The following SHANK2 variants were observed in gnomAD, a reference collection of about 807,000 sequenced individuals.
SHANK2 encodes the protein SH3 and multiple ankyrin repeat domains protein 2.
Under a neutral mutation model 133.7 loss-of-function variants are expected in SHANK2, and 43 were observed. That is an observed-to-expected ratio of 0.32 (90% confidence interval 0.25 to 0.41). The LOEUF is 0.41. Among genes scored for constraint, SHANK2 ranks in the 10% least tolerant of loss-of-function variants. The pLI is 1.00. For synonymous variants in SHANK2, 1,017 were observed against 952.8 expected (o/e 1.07, Z -1.24); for missense variants, 1,994 against 2,235.8 (o/e 0.89, Z 2.18).
intron 11 of SHANK2, among the ~76,000 whole-genome samples, chr11:70,867,016 G>A (rs1949372007): frequency 6.6e-6 from 1 of 151,666 alleles, no homozygotes; most frequent in South Asian, 2.1e-4. Flanking sequence ...CATGAAGCCA[G>A]GAGCCAAACG....
At chr11:70,574,121 C>G (rs1342817706) in intron 17 of SHANK2, among the ~76,000 whole-genome samples, 1 of 152,246 alleles carries the variant, frequency 6.6e-6, no homozygotes, top group African/African-American at 2.4e-5. Context: ...TTCCTCTTGT[C>G]TATGACCACA....
chr11:70,541,107 T>C (rs1554975097), intron 17 of SHANK2, among the ~76,000 whole-genome samples: 2 of 152,190 alleles, frequency 1.3e-5, no homozygotes, highest in African/African-American at 4.8e-5. Context: ...ACTGGCTTAT[T>C]TCACTTGGCA....
intron 17 of SHANK2, among the ~76,000 whole-genome samples, chr11:70,636,794 GTGTGTGTGAACA>G (rs2061105747): frequency 6.6e-6 from 1 of 152,044 alleles, no homozygotes; most frequent in African/African-American, 2.4e-5. Flanking sequence ...ATGTGTGAGC[GTGTGTGTGAACA>G]TGTGTGTGGG....
chr11:70,605,733 G>A (rs1554992181), intron 17 of SHANK2, among the ~76,000 whole-genome samples: 1 of 152,180 alleles, frequency 6.6e-6, no homozygotes, highest in African/African-American at 2.4e-5. Flanking sequence ...TTGAGTTACA[G>A]ATGCAGATTT....
At chr11:70,822,334 AC>A (rs1200185419) in intron 11 of SHANK2, among the ~76,000 whole-genome samples, 1 of 152,228 alleles carries the variant, frequency 6.6e-6, no homozygotes, top group Non-Finnish European at 1.5e-5. Flanking sequence ...GTCTGGGGGA[AC>A]CTTCATGCCT....
chr11:70,599,907 G>GAAAGAAAAAGAAAGAAAGAGAAAGAAAT (rs2060462784), intron 17 of SHANK2, among the ~76,000 whole-genome samples: 5 of 12,612 alleles, frequency 4.0e-4, no homozygotes, highest in Non-Finnish European at 6.8e-4. Context: ...GAAAGAAAGA[G>GAAAGAAAAAGAAAGAAAGAGAAAGAAAT]AAAGAAAGAA....
At chr11:70,787,642 C>T (rs1158869252) in intron 14 of SHANK2, among the ~76,000 whole-genome samples, 6 of 151,846 alleles carry the variant, frequency 4.0e-5, no homozygotes, top group Admixed American at 6.6e-5. Context: ...TCACCATGAC[C>T]GCCACCAACA....
intron 11 of SHANK2, among the ~76,000 whole-genome samples, chr11:70,869,954 T>C (rs1391430187): frequency 6.6e-6 from 1 of 152,004 alleles, no homozygotes; most frequent in African/African-American, 2.4e-5. Flanking sequence ...CTCACAAAAG[T>C]CCACAAGAGT....
chr11:70,890,664 T>C (rs1949826260), intron 11 of SHANK2, among the ~76,000 whole-genome samples: 1 of 151,830 alleles, frequency 6.6e-6, no homozygotes, highest in Non-Finnish European at 1.5e-5. Context: ...CCGGGTATGG[T>C]AGCGCGTGCC....
At chr11:71,245,753 G>T (rs1420090074) in intron 1 of SHANK2, among the ~76,000 whole-genome samples, 1 of 152,228 alleles carries the variant, frequency 6.6e-6, no homozygotes, top group Admixed American at 6.5e-5. Flanking sequence ...GACGCCATCG[G>T]GTCAGTATCT....
At position 71,083,041 on chromosome 11, in the gene SHANK2, C is replaced by T. The variant is rs1017987340; in HGVS notation, c.913-7766G>A. 4.2e-3 allele frequency among the ~76,000 whole-genome samples: 635 copies of T among 151,750 alleles called. 5 individuals are homozygous for T. The highest frequency in any genetic ancestry group is 0.015 in the African/African-American group (603 of 41,320). ...GCTCACTGCAGCCTCCACCTCCAGG[C>T]TCAGGGGGTCCTCCCACCTCAGCCT... On this transcript the variant is annotated intron_variant, in intron 8 of 25. Coordinates refer to ENST00000601538, the MANE Select transcript of SHANK2 (RefSeq NM_012309.5).
At chr11:71,209,799 G>T (rs1365599673) in intron 2 of SHANK2, among the ~76,000 whole-genome samples, 1 of 152,168 alleles carries the variant, frequency 6.6e-6, no homozygotes, top group East Asian at 1.9e-4. Context: ...GCCGTGAGCT[G>T]CCTAGAGAGA....
At chr11:70,596,530 G>T (rs1332706239) in intron 17 of SHANK2, among the ~76,000 whole-genome samples, 13 of 152,308 alleles carry the variant, frequency 8.5e-5, no homozygotes, top group Admixed American at 7.2e-4. Context: ...GCCTTGCTAT[G>T]CCAAGAGGAC....
intron 14 of SHANK2, among the ~76,000 whole-genome samples, chr11:70,756,507 C>G (rs782344405): frequency 6.6e-6 from 1 of 152,142 alleles, no homozygotes; most frequent in Non-Finnish European, 1.5e-5. Flanking sequence ...TTGAATCCAC[C>G]GCCGCCTGCA....
chr11:70,732,695 C>G (rs1454466362), intron 14 of SHANK2, among the ~76,000 whole-genome samples: 1 of 152,218 alleles, frequency 6.6e-6, no homozygotes, highest in South Asian at 2.1e-4. Context: ...CCCATGCCCA[C>G]GCAGCCCATG....
chr11:70,899,501 C>T (rs553791552), intron 10 of SHANK2, among the ~76,000 whole-genome samples: 1 of 152,302 alleles, frequency 6.6e-6, no homozygotes, highest in South Asian at 2.1e-4. Flanking sequence ...GGGGAAGCCT[C>T]CTGAGTGGCG....
chr11:71,234,808 G>C (rs113235189), intron 1 of SHANK2, among the ~76,000 whole-genome samples: 1 of 152,014 alleles, frequency 6.6e-6, no homozygotes, highest in East Asian at 1.9e-4. Flanking sequence ...GGGTGGTCCT[G>C]CTGCCCCACA....
intron 17 of SHANK2, among the ~76,000 whole-genome samples, chr11:70,657,571 C>T (rs889035905): frequency 2.6e-5 from 4 of 152,182 alleles, no homozygotes; most frequent in African/African-American, 7.2e-5. Flanking sequence ...GCTGCCTGCA[C>T]CCCGCACCCT....
At chr11:70,590,753 C>T (rs563630647) in intron 17 of SHANK2, among the ~76,000 whole-genome samples, 1 of 151,602 alleles carries the variant, frequency 6.6e-6, no homozygotes, top group South Asian at 2.1e-4. Context: ...CATAACTTTT[C>T]TATGCACTGG....
Sources: gnomAD v4.1 joint callset for allele counts (sites outside exome capture counted in the v4.1 genomes callset) on GRCh38, gnomAD v4.1.1 for gene constraint, MANE v1.5 for transcripts, NCBI Gene and HGNC (gene_info 2026-07-23, HGNC 2026-07-21) for gene names.